The following MYCBP2 variants were observed in gnomAD, a reference collection of about 807,000 sequenced individuals.
MYCBP2 encodes the protein MYC binding protein 2.
A neutral mutation model predicts 525.3 loss-of-function variants in MYCBP2; 120 were observed. The observed-to-expected ratio is 0.23, with a 90% CI of 0.20 to 0.27. MYCBP2 has a LOEUF of 0.27. Ranked by LOEUF, MYCBP2 falls within the 10% of genes least tolerant of loss-of-function variation. MYCBP2 has a pLI of 1.00. For missense variants in MYCBP2, 4,149 were observed against 5,657.1 expected (o/e 0.73, Z 8.55); for synonymous variants, 1,894 against 1,955.8 (o/e 0.97, Z 0.83).
At chr13:77,117,503 G>A (rs890355508) in intron 55 of MYCBP2, among the ~76,000 whole-genome samples, 3 of 152,040 alleles carry the variant, frequency 2.0e-5, no homozygotes, top group Non-Finnish European at 4.4e-5. Flanking sequence ...CCTAATAACA[G>A]TTATTAAAGT....
At chr13:77,100,716 A>G (rs1489519250) in intron 55 of MYCBP2, among the ~76,000 whole-genome samples, 1 of 152,116 alleles carries the variant, frequency 6.6e-6, no homozygotes, top group Non-Finnish European at 1.5e-5. Context: ...AAAAGTAACT[A>G]AAACATAATG....
intron 38 of MYCBP2, among the ~76,000 whole-genome samples, chr13:77,170,073 T>C (rs2058988566): frequency 6.6e-6 from 1 of 152,222 alleles, no homozygotes; most frequent in Admixed American, 6.5e-5. Flanking sequence ...ATTACCATTC[T>C]GGCACCAAAC....
intron 76 of MYCBP2, among the ~76,000 whole-genome samples, chr13:77,060,495 G>C (rs545955996): frequency 6.6e-6 from 1 of 152,276 alleles, no homozygotes; most frequent in South Asian, 2.1e-4. Context: ...TCAGTCAAAT[G>C]GCAGACTGCA....
intron 27 of MYCBP2, among the ~76,000 whole-genome samples, chr13:77,192,721 T>C (rs1032123454): frequency 6.6e-6 from 1 of 152,196 alleles, no homozygotes; most frequent in Non-Finnish European, 1.5e-5. Flanking sequence ...AATCCTTCAA[T>C]GCTCCCAATG....
rs1361192743 is a variant in MYCBP2, at chr13:77,095,423, TA to T, written c.10133del (p.Val3378GlufsTer11). On this transcript the variant is annotated frameshift_variant, in exon 58 of 83. Transcript: ENST00000544440. LOFTEE classifies it high-confidence loss of function. ...GAAGATCCTCAGAAATGCCTTCTTT[TA>T]CACTGGGCAACTGAGATTGGAATGG... is the stretch of plus-strand genomic sequence containing the variant. ...AKPFQSQLPS[V>X]KEGISEDLPV... 6.2e-7 allele frequency: 1 copy of T among 1,613,442 alleles called. No homozygotes were observed. Among genetic ancestry groups the T allele is most frequent in the Non-Finnish European group, 8.5e-7 (1 of 1,179,710 alleles).
At chr13:77,049,962 T>C (rs2036425408) in intron 82 of MYCBP2, among the ~76,000 whole-genome samples, 2 of 152,062 alleles carry the variant, frequency 1.3e-5, no homozygotes, top group Non-Finnish European at 2.9e-5. Context: ...TCTGATGCTA[T>C]CTCCTGAAGA....
chr13:77,056,908 T>C (rs1034666160), intron 79 of MYCBP2, 78 bp downstream of exon 79: 2 of 1,111,548 alleles, frequency 1.8e-6, no homozygotes, highest in East Asian at 2.4e-5. Flanking sequence ...CAAGAGATAC[T>C]GACATATGTT....
At chr13:77,192,981 T>C (rs930395426) in intron 27 of MYCBP2, among the ~76,000 whole-genome samples, 2 of 151,842 alleles carry the variant, frequency 1.3e-5, no homozygotes, top group African/African-American at 4.8e-5. Flanking sequence ...ATACAAACAT[T>C]AGCCGGGCCT....
At chr13:77,093,412 A>C in intron 58 of MYCBP2, 80 bp from the exon 59 acceptor site, 3 of 1,241,468 alleles carry the variant, frequency 2.4e-6, no homozygotes, top group Non-Finnish European at 3.4e-6. Flanking sequence ...TCATAACAGG[A>C]AAAGCAGCAC....
chr13:77,300,516 T>C (rs1201536040), intron 1 of MYCBP2, among the ~76,000 whole-genome samples: 2 of 152,184 alleles, frequency 1.3e-5, no homozygotes, highest in Non-Finnish European at 2.9e-5. Context: ...ACAGGCTACA[T>C]AAAAACAAGA....
intron 26 of MYCBP2, among the ~76,000 whole-genome samples, chr13:77,200,241 G>A (rs1316133919): frequency 6.6e-6 from 1 of 152,186 alleles, no homozygotes; most frequent in East Asian, 1.9e-4. Context: ...ACTACGTGAA[G>A]AATGCAGAAG....
chr13:77,210,721 A>T (rs1171963267), intron 23 of MYCBP2, among the ~76,000 whole-genome samples: 2 of 152,242 alleles, frequency 1.3e-5, no homozygotes, highest in African/African-American at 4.8e-5. Context: ...AATTATGAGA[A>T]CAAAAAATAG....
At chr13:77,126,090 T>G (rs2051613036) in intron 53 of MYCBP2, among the ~76,000 whole-genome samples, 1 of 152,204 alleles carries the variant, frequency 6.6e-6, no homozygotes, top group East Asian at 1.9e-4. Flanking sequence ...ACCAAACATT[T>G]ATATATACAA....
chr13:77,287,108 C>T (rs2076940138), intron 3 of MYCBP2, among the ~76,000 whole-genome samples: 1 of 151,064 alleles, frequency 6.6e-6, no homozygotes, highest in African/African-American at 2.4e-5. Context: ...AGGATGGTCT[C>T]GATCTCCTGA....
rs115900776 is a variant in MYCBP2 at position 77,287,940 on chromosome 13, G to A, written c.594+221C>T. 8.3e-3 allele frequency among the ~76,000 whole-genome samples: 1,263 copies of A among 152,146 alleles called. 20 individuals are homozygous for A. The highest frequency in any genetic ancestry group is 0.029 in the African/African-American group (1,207 of 41,510). ...CCAACCCACTGATCTCCCTTCCTGC[G>A]CTTTCCAGTGAATTATCAATTATTG... On this transcript the variant is annotated intron_variant, in intron 3 of 82. Transcript: ENST00000544440.
At chr13:77,077,523 T>C in intron 66 of MYCBP2, 136 bp from the exon 67 acceptor site, 1 of 1,038,470 alleles carries the variant, frequency 9.6e-7, no homozygotes, top group Non-Finnish European at 1.4e-6. Flanking sequence ...TATTTCACAC[T>C]GATTTTCTTA....
intron 42 of MYCBP2, 99 bp downstream of exon 42, chr13:77,165,174 T>C (rs2058390883): frequency 2.9e-6 from 3 of 1,044,102 alleles, no homozygotes; most frequent in African/African-American, 1.6e-5. Flanking sequence ...ATTTTTCGAA[T>C]AGAGGCAACA....
At chr13:77,284,923 ATGG>A (rs1355063607) in intron 3 of MYCBP2, among the ~76,000 whole-genome samples, 1 of 152,318 alleles carries the variant, frequency 6.6e-6, no homozygotes, top group East Asian at 1.9e-4. Flanking sequence ...AGTAATTTTA[ATGG>A]TGTTTGAACC....
Position 77,123,901 on chromosome 13 carries a change from A to G in MYCBP2, c.8017+1435T>C, listed in dbSNP as rs149264610. On this transcript the variant is annotated intron_variant, in intron 54 of 82. Transcript: ENST00000544440. ...AAATTTATGAATATGAAGTAAATAT[A>G]CAGCAATATATAATAAGCACATAGT... Among the ~76,000 whole-genome samples the G allele has an allele frequency of 4.4e-4, 67 of 152,356 alleles. No individual in the cohort carries two copies. The East Asian group carries it at 0.01, about 24-fold the overall frequency.
Sources: gnomAD v4.1 joint callset for allele counts (sites outside exome capture counted in the v4.1 genomes callset) on GRCh38, gnomAD v4.1.1 for gene constraint, MANE v1.5 for transcripts, NCBI Gene and HGNC (gene_info 2026-07-23, HGNC 2026-07-21) for gene names.